FANK1: variants seen among roughly 807,000 people sequenced by gnomAD.
FANK1 encodes the protein fibronectin type III and ankyrin repeat domains 1.
In FANK1, 44 loss-of-function variants were observed where a neutral mutation model predicts 45.3. That is an observed-to-expected ratio of 0.97 (90% confidence interval 0.76 to 1.25). FANK1 has a LOEUF of 1.25. Ranked by LOEUF, FANK1 falls within the 50% of genes most tolerant of loss-of-function variation. The probability of loss-of-function intolerance (pLI) is 0.00; values close to 1 mark genes in which losing one functional copy is unlikely to be tolerated. For missense variants in FANK1, 391 were observed against 424.4 expected, an observed-to-expected ratio of 0.92 and a Z score of 0.69; for synonymous variants, 149 against 152.5, an observed-to-expected ratio of 0.98 and a Z score of 0.17.
chr10:125,949,565 A>T (rs1949057464), intron 1 of FANK1, among the ~76,000 whole-genome samples: 1 of 150,464 alleles, frequency 6.6e-6, no homozygotes, highest in Non-Finnish European at 1.5e-5. Context: ...AAGGGATGTG[A>T]AGGACCTCTT....
chr10:126,005,604 A>T (rs1246383223), intron 7 of FANK1, among the ~76,000 whole-genome samples: 1 of 152,108 alleles, frequency 6.6e-6, no homozygotes, highest in Non-Finnish European at 1.5e-5. Context: ...CACCGTGCCC[A>T]GCCTGATGTT....
At chr10:125,952,101 C>T (rs190115220) in intron 1 of FANK1, among the ~76,000 whole-genome samples, 43 of 152,204 alleles carry the variant, frequency 2.8e-4, no homozygotes, top group African/African-American at 9.9e-4. Flanking sequence ...AATCAGGCAG[C>T]CTCATCCCAA....
chr10:125,991,071 G>C (rs537315312), intron 3 of FANK1, among the ~76,000 whole-genome samples: 2 of 152,160 alleles, frequency 1.3e-5, no homozygotes, highest in Admixed American at 6.5e-5. Flanking sequence ...ATTTGGGTGG[G>C]GACACAGCCA....
intron 2 of FANK1, among the ~76,000 whole-genome samples, chr10:125,982,148 A>G (rs1398386662): frequency 1.3e-5 from 2 of 152,252 alleles, no homozygotes; most frequent in Non-Finnish European, 2.9e-5. Flanking sequence ...CTCTTGAGAA[A>G]GAAAAAGACA....
intron 1 of FANK1, among the ~76,000 whole-genome samples, chr10:125,899,269 C>T (rs573687846): frequency 2.0e-5 from 3 of 152,150 alleles, no homozygotes; most frequent in African/African-American, 7.2e-5. Flanking sequence ...CATGTTGGTC[C>T]GGCTGGTCTT....
intron 3 of FANK1, among the ~76,000 whole-genome samples, chr10:125,991,764 A>G (rs970147599): frequency 2.6e-5 from 4 of 152,250 alleles, no homozygotes; most frequent in Admixed American, 1.3e-4. Context: ...ATCTTCTCCA[A>G]TGAGCTCGTG....
At chr10:125,987,518 A>T (rs1413284788) in intron 2 of FANK1, among the ~76,000 whole-genome samples, 1 of 132,300 alleles carries the variant, frequency 7.6e-6, no homozygotes, top group East Asian at 2.2e-4. Flanking sequence ...AAGAAGAAAG[A>T]GCTGGAAATG....
At chr10:125,945,058 C>G (rs1351302660) in intron 1 of FANK1, among the ~76,000 whole-genome samples, 3 of 152,130 alleles carry the variant, frequency 2.0e-5, no homozygotes, top group Non-Finnish European at 2.9e-5. Context: ...CTTCTTTGTC[C>G]TGCAAGACAA....
At position 126,009,383 on chromosome 10, in the gene FANK1, CCTT is replaced by C. The variant is rs1953494722; in HGVS notation, c.984_986del (p.Leu330del). 6 of 1,613,854 alleles carry C rather than the reference CCTT, an allele frequency of 3.7e-6. No homozygotes were observed. Among genetic ancestry groups the C allele is most frequent in the Non-Finnish European group, 5.1e-6 (6 of 1,179,966 alleles). ...GTTTTGTTTATCTAGAGTGTAGTCT[CCTT>C]ATTAGAAGAAAGGAAAAAAAAGCAG... On this transcript the variant is annotated inframe_deletion, in exon 11 of 11. Transcript: ENST00000368693.
intron 1 of FANK1, among the ~76,000 whole-genome samples, chr10:125,897,632 CT>C (rs1319078012): frequency 2.0e-5 from 3 of 151,502 alleles, no homozygotes; most frequent in African/African-American, 7.2e-5. Flanking sequence ...AATACTTTTC[CT>C]TTTAACTCAT....
At position 125,988,348 on chromosome 10, in the gene FANK1, G is replaced by A. The variant is rs529839811; in HGVS notation, c.192-203G>A. On this transcript the variant is annotated intron_variant, in intron 2 of 10. Coordinates refer to ENST00000368693, the MANE Select transcript of FANK1 (RefSeq NM_145235.5). ...TGTCAGGCCCTGGACTAGGCCCTATGGGACAGAGTGCACCTGCTGGATAGG... is the reference window on the plus strand; with the variant it reads ...TGTCAGGCCCTGGACTAGGCCCTATAGGACAGAGTGCACCTGCTGGATAGG... Among the ~76,000 whole-genome samples, 3 of 152,308 alleles carry A rather than the reference G, an allele frequency of 2.0e-5. No individual in the cohort carries two copies. The East Asian group carries it at 5.8e-4, about 29-fold the overall frequency.
intron 3 of FANK1, among the ~76,000 whole-genome samples, chr10:125,993,106 A>G (rs1374211629): frequency 3.3e-5 from 5 of 152,318 alleles, no homozygotes; most frequent in African/African-American, 9.6e-5. Flanking sequence ...GGAGAATTTT[A>G]AAAGCACTGG....
At chr10:125,996,910 AT>A (rs546014253) in intron 5 of FANK1, among the ~76,000 whole-genome samples, 423 of 147,514 alleles carry the variant, frequency 2.9e-3, no homozygotes, top group African/African-American at 9.5e-3. Flanking sequence ...TTGGAATTCA[AT>A]TTTTTTTTTT....
At chr10:125,950,830 C>G (rs372110681) in intron 1 of FANK1, among the ~76,000 whole-genome samples, 8,091 of 146,772 alleles carry the variant, frequency 0.055, 344 homozygotes, top group Non-Finnish European at 0.083. Flanking sequence ...ATTGCAAAGA[C>G]TTGGAACCAA....
chr10:125,931,095 GTTTA>G (rs1366947835), intron 1 of FANK1, among the ~76,000 whole-genome samples: 2 of 152,152 alleles, frequency 1.3e-5, no homozygotes, highest in East Asian at 1.9e-4. Context: ...ATATACCACA[GTTTA>G]TTTGTCTACT....
chr10:125,953,754 A>G (rs750431155), intron 1 of FANK1, among the ~76,000 whole-genome samples: 9 of 152,116 alleles, frequency 5.9e-5, no homozygotes, highest in Non-Finnish European at 1.2e-4. Flanking sequence ...CTGAAGTCAG[A>G]CAGAGTTGGG....
intron 1 of FANK1, among the ~76,000 whole-genome samples, chr10:125,975,956 G>C (rs753517151): frequency 2.6e-5 from 4 of 152,150 alleles, no homozygotes; most frequent in Non-Finnish European, 5.9e-5. Context: ...TTTTGTATCA[G>C]CTGGTAGCGG....
intron 6 of FANK1, among the ~76,000 whole-genome samples, chr10:126,000,155 G>T (rs1952650739): frequency 1.3e-5 from 2 of 152,292 alleles, no homozygotes; most frequent in South Asian, 4.1e-4. Flanking sequence ...ATGCCAGAAT[G>T]GCAAGATTGA....
intron 1 of FANK1, among the ~76,000 whole-genome samples, chr10:125,911,184 G>A (rs1430966604): frequency 2.6e-5 from 4 of 152,154 alleles, no homozygotes; most frequent in African/African-American, 4.8e-5. Context: ...AATCACAAGC[G>A]TCCTTATAAG....
Sources: allele counts gnomAD v4.1 joint callset (sites outside exome capture counted in the v4.1 genomes callset), GRCh38; gene constraint gnomAD v4.1.1; transcripts MANE v1.5; gene names NCBI Gene and HGNC (gene_info 2026-07-23, HGNC 2026-07-21).